CLINT1: variants seen among roughly 807,000 people sequenced by gnomAD.
The protein encoded by CLINT1 is clathrin interacting protein localized in the trans-Golgi region.
Under a neutral mutation model 70.4 loss-of-function variants are expected in CLINT1, and 15 were observed. That is an observed-to-expected ratio of 0.21 (90% CI 0.14 to 0.33). CLINT1 has a LOEUF of 0.33. CLINT1 is among the 10% of genes least tolerant of loss of function. The pLI is 1.00. For synonymous variants in CLINT1, 227 were observed against 254.7 expected (o/e 0.89, Z 1.04); for missense variants, 615 against 778.1 (o/e 0.79, Z 2.49).
intron 1 of CLINT1, among the ~76,000 whole-genome samples, chr5:157,845,368 A>T (rs1303727169): frequency 2.6e-5 from 4 of 151,768 alleles, no homozygotes; most frequent in Non-Finnish European, 5.9e-5. Flanking sequence ...ATAATAAAAT[A>T]AAATAAAATA....
intron 1 of CLINT1, 75 bp downstream of exon 1, chr5:157,858,855 G>A: frequency 7.1e-7 from 1 of 1,409,976 alleles, no homozygotes; most frequent in Non-Finnish European, 9.8e-7. Context: ...GCAACCCCTA[G>A]CCCAAGGCCA....
Position 157,822,336 on chromosome 5 carries a change from T to C in CLINT1, c.42-4789A>G, listed in dbSNP as rs189809994. Among the ~76,000 whole-genome samples, 64 of 152,220 alleles carry C rather than the reference T, an allele frequency of 4.2e-4. No homozygotes were observed. In the East Asian group the frequency reaches 9.1e-3, roughly 22 times the overall value. On this transcript the variant is annotated intron_variant, in intron 1 of 11. Coordinates refer to ENST00000411809, the MANE Select transcript of CLINT1 (RefSeq NM_014666.4). ...TTTACATGAGGCATATGTAATGCTA[T>C]CCCTCCCAAGATCTCATGGTCTTAT...
At chr5:157,845,591 G>A (rs13182847) in intron 1 of CLINT1, among the ~76,000 whole-genome samples, 6 of 142,724 alleles carry the variant, frequency 4.2e-5, no homozygotes, top group Admixed American at 2.9e-4. Flanking sequence ...TTGCTCTGTC[G>A]CCCAGGCTGG....
At chr5:157,823,854 C>T (rs992582771) in intron 1 of CLINT1, 1 of 182,488 alleles carries the variant, frequency 5.5e-6, no homozygotes, top group Non-Finnish European at 1.0e-5. Flanking sequence ...GCGTCACTGC[C>T]TGAGCTCTGC....
Position 157,847,181 on chromosome 5 carries a change from T to C in CLINT1, c.41+11749A>G, listed in dbSNP as rs1290062653. The stretch of plus-strand genomic sequence containing the variant: ...TGGGAAAAGTAAATTGAAAACCTTC[T>C]GGAAAGAATTCACCATACTAGTTTT... On this transcript the variant is annotated intron_variant, in intron 1 of 11. Transcript: ENST00000411809. 1.3e-5 allele frequency among the ~76,000 whole-genome samples: 2 copies of C among 152,168 alleles called. 1 individual carries two copies. The highest frequency in any genetic ancestry group is 1.3e-4 in the Admixed American group (2 of 15,280).
chr5:157,838,122 G>GTT lies in CLINT1; in HGVS notation c.42-20577_42-20576dup, dbSNP rs199515235. Among the ~76,000 whole-genome samples the GTT allele has an allele frequency of 2.2e-3, 284 of 129,936 alleles. 2 individuals carry two copies. The highest frequency in any genetic ancestry group is 4.2e-3 in the Middle Eastern group (1 of 236). The allele number at this position is 129,936 out of a possible 152,430, so 85.2% of individuals were successfully genotyped here. A position where few individuals can be genotyped will look rare whatever the true frequency, so the allele number is the denominator to read the frequency against. On this transcript the variant is annotated intron_variant, in intron 1 of 11. Coordinates refer to ENST00000411809, the MANE Select transcript of CLINT1 (RefSeq NM_014666.4). ...ATCCAATTTAAGTCAAGGTTTTTTT[G>GTT]TTTTTTTTTTTTTTTTGAGATGGAG... is the stretch of plus-strand genomic sequence containing the variant.
rs115281751 is a variant in CLINT1 at position 157,798,435 on chromosome 5, A to G, written c.1013-3463T>C. 6.1e-3 allele frequency among the ~76,000 whole-genome samples: 935 copies of G among 152,326 alleles called. 17 individuals carry two copies. Among genetic ancestry groups the G allele is most frequent in the African/African-American group, 0.022 (916 of 41,588 alleles). On this transcript the variant is annotated intron_variant, in intron 8 of 11. Transcript: ENST00000411809. ...GGGAACATGTATTTCCCAAAGCAAT[A>G]TTGTGAACAAGAAAATACAGGTAAA...
intron 5 of CLINT1, among the ~76,000 whole-genome samples, chr5:157,810,221 C>T (rs1225451975): frequency 6.6e-6 from 1 of 152,130 alleles, no homozygotes; most frequent in East Asian, 1.9e-4. Flanking sequence ...TTCAGAAAAG[C>T]ATTGGATAGC....
chr5:157,826,122 A>C (rs553537863), intron 1 of CLINT1, among the ~76,000 whole-genome samples: 3 of 152,272 alleles, frequency 2.0e-5, no homozygotes, highest in African/African-American at 7.2e-5. Context: ...CAAGTAGGAA[A>C]ATTCAAAAAG....
intron 1 of CLINT1, among the ~76,000 whole-genome samples, chr5:157,831,704 T>G (rs1581524201): frequency 6.6e-6 from 1 of 151,078 alleles, no homozygotes; most frequent in African/African-American, 2.4e-5. Flanking sequence ...TTTTTTTTTT[T>G]TTTTTTTTTT....
intron 1 of CLINT1, among the ~76,000 whole-genome samples, chr5:157,830,175 T>G (rs1443304304): frequency 6.6e-6 from 1 of 152,148 alleles, no homozygotes; most frequent in Non-Finnish European, 1.5e-5. Flanking sequence ...CTCGAACTCC[T>G]GGGCTCAAGT....
At chr5:157,833,199 A>G (rs1167500569) in intron 1 of CLINT1, among the ~76,000 whole-genome samples, 2 of 152,094 alleles carry the variant, frequency 1.3e-5, no homozygotes, top group African/African-American at 4.8e-5. Context: ...AAAAATACAA[A>G]AATTAGCCCG....
intron 1 of CLINT1, among the ~76,000 whole-genome samples, chr5:157,835,027 C>T (rs1258570938): frequency 6.6e-6 from 1 of 152,182 alleles, no homozygotes; most frequent in African/African-American, 2.4e-5. Flanking sequence ...CCAGAGCACA[C>T]ATTCCCATCC....
intron 1 of CLINT1, among the ~76,000 whole-genome samples, chr5:157,834,108 A>AAGGCAAGCGGATTGCCT (rs375894772): frequency 9.9e-4 from 150 of 152,180 alleles, no homozygotes; most frequent in Non-Finnish European, 1.3e-3. Flanking sequence ...TTGGGAGGCC[A>AAGGCAAGCGGATTGCCT]AGGCAAGCGG....
intron 1 of CLINT1, among the ~76,000 whole-genome samples, chr5:157,853,945 C>T (rs1299877282): frequency 6.6e-6 from 1 of 151,972 alleles, no homozygotes; most frequent in Non-Finnish European, 1.5e-5. Flanking sequence ...AGAGATAAAC[C>T]AAACTCATCT....
chr5:157,806,014 G>C lies in CLINT1; in HGVS notation c.794C>G (p.Thr265Arg), dbSNP rs756749473. The C allele has an allele frequency of 6.2e-7, 1 of 1,613,932 alleles. No individual in the cohort carries two copies. Among genetic ancestry groups the C allele is most frequent in the South Asian group, 1.1e-5 (1 of 91,078 alleles). Residue 265 changes from threonine to arginine, a missense_variant, in exon 7 of 12, where the codon ACA (threonine) becomes AGA (arginine). Around this residue, in one of 2 missense-constraint regions of CLINT1, gnomAD observed 241 missense variants for 368.6 expected, o/e 0.65. Coordinates refer to ENST00000411809, the MANE Select transcript of CLINT1 (RefSeq NM_014666.4). ...GGTTGTGGTGGTCTCTGTGGCCTGT[G>C]TGATATGAATATGCTTTGTCGTCAC... ...ETVTTKHIHI[T>R]QATETTTTRH...
intron 1 of CLINT1, among the ~76,000 whole-genome samples, chr5:157,834,584 G>A (rs1763356488): frequency 6.6e-6 from 1 of 152,088 alleles, no homozygotes; most frequent in African/African-American, 2.4e-5. Context: ...TTTCCTTTAT[G>A]GGATGATTAC....
chr5:157,835,966 C>A (rs1763407690), intron 1 of CLINT1, among the ~76,000 whole-genome samples: 1 of 152,180 alleles, frequency 6.6e-6, no homozygotes. Context: ...ATTTGGGAGC[C>A]ATCACGAATT....
rs536175018 is a variant in CLINT1 at position 157,808,774 on chromosome 5, G to GT, written c.695+853dup. Among the ~76,000 whole-genome samples, 24 of 152,180 alleles carry GT rather than the reference G, an allele frequency of 1.6e-4. No homozygotes were observed. In the South Asian group the frequency reaches 4.6e-3, roughly 29 times the overall value. On this transcript the variant is annotated intron_variant, in intron 6 of 11. Coordinates refer to ENST00000411809, the MANE Select transcript of CLINT1 (RefSeq NM_014666.4). The stretch of plus-strand genomic sequence containing the variant: ...AACTGGTTCAAAATCCATTTGGATT[G>GT]TTTTTCTGGTACACACTGGCACAGA...
Sources: gnomAD v4.1 joint callset for allele counts (sites outside exome capture counted in the v4.1 genomes callset) on GRCh38, gnomAD v4.1.1 for gene constraint, gnomAD v4.1.1 regional missense constraint, MANE v1.5 for transcripts, NCBI Gene and HGNC (gene_info 2026-07-23, HGNC 2026-07-21) for gene names.